The following CENPC variants were observed in gnomAD, a reference collection of about 807,000 sequenced individuals.
CENPC encodes the protein centromere protein C, also known as CENP-C 1.
In CENPC, 63 loss-of-function variants were observed where a neutral mutation model predicts 112.1. That is an observed-to-expected ratio of 0.56 (90% confidence interval 0.46 to 0.69). The LOEUF (loss-of-function observed/expected upper bound fraction) is 0.69, where lower values mean the gene tolerates loss of function less well. Among genes scored for constraint, CENPC ranks in the 30% least tolerant of loss-of-function variants. The pLI is 0.00. For missense variants in CENPC, 1,000 were observed against 1,103.8 expected (o/e 0.91, Z 1.33); for synonymous variants, 333 against 367.6 (o/e 0.91, Z 1.08).
At position 67,510,839 on chromosome 4, in the gene CENPC, T is replaced by C. The variant is rs541834559; in HGVS notation, c.1612+1563A>G. On this transcript the variant is annotated intron_variant, in intron 9 of 18. Transcript: ENST00000273853. The stretch of plus-strand genomic sequence containing the variant: ...AGATGAGAGTTTAGACTATATGATA[T>C]ATAAAGATTCCTCCACTTTTTCGAC... The C allele has an allele frequency of 1.1e-5, 4 of 368,344 alleles. No individual in the cohort carries two copies. The Admixed American group carries it at 1.3e-4, about 12-fold the overall frequency. 22.8% of individuals were successfully genotyped at this position (368,344 alleles called of 1,614,324 possible).
chr4:67,492,308 C>T (rs1725306921), intron 15 of CENPC, 33 bp from the exon 16 acceptor site: 2 of 1,377,850 alleles, frequency 1.5e-6, no homozygotes, highest in East Asian at 2.5e-5. Context: ...ATACAAACTA[C>T]TTACTTAAAA....
At position 67,470,886 on chromosome 4, in the gene CENPC, G is replaced by A. The variant is rs1459446002; in HGVS notation, c.*1719C>T. On this transcript the variant is annotated 3_prime_UTR_variant, in exon 19 of 19. Coordinates refer to ENST00000273853, the MANE Select transcript of CENPC (RefSeq NM_001812.4). The stretch of plus-strand genomic sequence containing the variant: ...AAAGGTTACAGTCCTAGTTCTTGAA[G>A]AGCAACAGAGCAGCCAGACATTTAA... 1 of 152,250 alleles carries A rather than the reference G, an allele frequency of 6.6e-6. No homozygotes were observed. Among genetic ancestry groups the A allele is most frequent in the African/African-American group, 2.4e-5 (1 of 41,450 alleles). 9.4% of individuals were successfully genotyped at this position (152,250 alleles called of 1,614,324 possible).
At chr4:67,494,637 A>G (rs1204463097) in intron 13 of CENPC, among the ~76,000 whole-genome samples, 1 of 152,232 alleles carries the variant, frequency 6.6e-6, no homozygotes, top group Non-Finnish European at 1.5e-5. Flanking sequence ...AGGGAGAAAC[A>G]TGGAAAGCCA....
chr4:67,509,773 A>G (rs1322691046), intron 9 of CENPC, among the ~76,000 whole-genome samples: 3 of 151,796 alleles, frequency 2.0e-5, no homozygotes, highest in Non-Finnish European at 4.4e-5. Context: ...CTCTTTACTA[A>G]TCTCCCCCTC....
chr4:67,485,471 C>CG (rs1005059010), intron 17 of CENPC, among the ~76,000 whole-genome samples: 7 of 151,608 alleles, frequency 4.6e-5, no homozygotes, highest in East Asian at 1.9e-4. Flanking sequence ...GAATCTTAAC[C>CG]CCCCCAATGT....
At chr4:67,526,830 C>T (rs569432800) in intron 5 of CENPC, among the ~76,000 whole-genome samples, 1 of 152,240 alleles carries the variant, frequency 6.6e-6, no homozygotes, top group South Asian at 2.1e-4. Flanking sequence ...TAGATAACTA[C>T]ACCCAACAAC....
chr4:67,502,768 T>C (rs1354986474), intron 12 of CENPC, among the ~76,000 whole-genome samples: 1 of 152,180 alleles, frequency 6.6e-6, no homozygotes, highest in Non-Finnish European at 1.5e-5. Context: ...GTAGTAATAT[T>C]GCCATTCTTC....
At position 67,545,273 on chromosome 4, in the gene CENPC, C is replaced by T. The variant is rs183972639; in HGVS notation, c.18+65G>A. The T allele has an allele frequency of 2.5e-4, 355 of 1,433,428 alleles. 1 individual carries two copies. In the African/African-American group the frequency reaches 4.8e-3, roughly 19 times the overall value. 88.8% of individuals were successfully genotyped at this position (1,433,428 alleles called of 1,614,324 possible). ...CAGCCTAGCATTTCCTTCTCCCCAG[C>T]CTCGGGCGCCCGTGCCCCAGCCAGC... On this transcript the variant is annotated intron_variant, in intron 1 of 18. Transcript: ENST00000273853.
intron 5 of CENPC, among the ~76,000 whole-genome samples, chr4:67,525,298 A>G (rs1357191604): frequency 6.6e-6 from 1 of 152,224 alleles, no homozygotes; most frequent in Non-Finnish European, 1.5e-5. Context: ...CACCAAAAGC[A>G]ATTGCAACAA....
At chr4:67,488,877 T>C (rs180816764) in intron 17 of CENPC, among the ~76,000 whole-genome samples, 3 of 152,094 alleles carry the variant, frequency 2.0e-5, no homozygotes, top group East Asian at 3.9e-4. Context: ...TTGACTTTCA[T>C]ATGTATCTTT....
At chr4:67,524,672 G>C (rs914146847) in intron 5 of CENPC, among the ~76,000 whole-genome samples, 1 of 152,132 alleles carries the variant, frequency 6.6e-6, no homozygotes, top group African/African-American at 2.4e-5. Flanking sequence ...CACTGCTCAA[G>C]GAAATGAGAG....
intron 12 of CENPC, among the ~76,000 whole-genome samples, chr4:67,499,182 T>C (rs1335434171): frequency 6.6e-6 from 1 of 152,198 alleles, no homozygotes; most frequent in African/African-American, 2.4e-5. Flanking sequence ...ATTTCTGGAA[T>C]GGTAAATGAG....
intron 14 of CENPC, chr4:67,493,258 G>A (rs558951712): frequency 9.9e-6 from 2 of 202,736 alleles, no homozygotes; most frequent in South Asian, 2.9e-4. Flanking sequence ...ATCAGTGGAG[G>A]CTTTTAAAAA....
chr4:67,539,823 T>C lies in CENPC; in HGVS notation c.231+17A>G. 1 of 1,363,810 alleles carries C rather than the reference T, an allele frequency of 7.3e-7. No individual in the cohort carries two copies. The highest frequency in any genetic ancestry group is 1.0e-6 in the Non-Finnish European group (1 of 995,874). 84.5% of individuals were successfully genotyped at this position (1,363,810 alleles called of 1,614,324 possible). A position where few individuals can be genotyped will look rare whatever the true frequency, so the allele number is the denominator to read the frequency against. On this transcript the variant is annotated intron_variant, in intron 4 of 18. Coordinates refer to ENST00000273853, the MANE Select transcript of CENPC (RefSeq NM_001812.4). Reference sequence around the variant, plus strand: ...ATTAAAATATTAAACCTATACCAGCTCTTCTTTATCACTTACCTCTTTGCT... The same window carrying C: ...ATTAAAATATTAAACCTATACCAGCCCTTCTTTATCACTTACCTCTTTGCT...
intron 17 of CENPC, 70 bp from the exon 18 acceptor site, chr4:67,475,048 G>A (rs920498606): frequency 2.6e-6 from 2 of 761,198 alleles, no homozygotes; most frequent in Admixed American, 2.9e-5. Context: ...ACCTTAAAAT[G>A]TAGTGGGAAG....
chr4:67,530,902 G>A lies in CENPC; in HGVS notation c.244C>T (p.His82Tyr). Residue 82 changes from histidine to tyrosine, a missense_variant, in exon 5 of 19, where the codon CAT becomes TAT. Coordinates refer to ENST00000273853, the MANE Select transcript of CENPC (RefSeq NM_001812.4). ...GAAGAAACTGGAACTGACTTTGGAT[G>A]TGATTTCTGGCACTGAGCACAGAAG... ...QSPSKECQKSHPKSVPVSSKK... is the reference protein window; with the variant it reads ...QSPSKECQKSYPKSVPVSSKK... The A allele has an allele frequency of 6.3e-7, 1 of 1,586,610 alleles. No homozygotes were observed. Among genetic ancestry groups the A allele is most frequent in the Non-Finnish European group, 8.6e-7 (1 of 1,160,872 alleles).
At position 67,545,413 on chromosome 4, in the gene CENPC, G is replaced by A. The variant is rs1560448228; in HGVS notation, c.-58C>T. On this transcript the variant is annotated 5_prime_UTR_variant, in exon 1 of 19. Transcript: ENST00000273853. Reference sequence around the variant, plus strand: ...GAGGTGGAAGCCCACACGGACCACAGCTCCAGGAAGCCGAGCAAGAAACGA... The same window carrying A: ...GAGGTGGAAGCCCACACGGACCACAACTCCAGGAAGCCGAGCAAGAAACGA... 3 of 1,450,426 alleles carry A rather than the reference G, an allele frequency of 2.1e-6. No homozygotes were observed. The highest frequency in any genetic ancestry group is 2.7e-6 in the Non-Finnish European group (3 of 1,095,652). The allele number at this position is 1,450,426 out of a possible 1,614,324, so 89.8% of individuals were successfully genotyped here. A position where few individuals can be genotyped will look rare whatever the true frequency, so the allele number is the denominator to read the frequency against.
rs1042588787 is a variant in CENPC at position 67,545,479 on chromosome 4, G to C, written c.-124C>G. The C allele has an allele frequency of 1.8e-5, 18 of 992,832 alleles. No individual in the cohort carries two copies. Among genetic ancestry groups the C allele is most frequent in the Non-Finnish European group, 2.4e-5 (18 of 735,388 alleles). 61.5% of individuals were successfully genotyped at this position (992,832 alleles called of 1,614,324 possible). ...GGCCGCGGCCAAGCAATAACCTTAA[G>C]TCTCAGGCGACTGCCGCGAGAGCTG... On this transcript the variant is annotated 5_prime_UTR_variant, in exon 1 of 19. Transcript: ENST00000273853.
At chr4:67,481,036 C>G (rs1724943678) in intron 17 of CENPC, among the ~76,000 whole-genome samples, 1 of 152,076 alleles carries the variant, frequency 6.6e-6, no homozygotes, top group African/African-American at 2.4e-5. Context: ...GATCATATAG[C>G]TAGAAAACCC....
Sources: gnomAD v4.1 joint callset for allele counts (sites outside exome capture counted in the v4.1 genomes callset) on GRCh38, gnomAD v4.1.1 for gene constraint, MANE v1.5 for transcripts, NCBI Gene and HGNC (gene_info 2026-07-23, HGNC 2026-07-21) for gene names.